ITIH4: variants seen among roughly 807,000 people sequenced by gnomAD.
The protein encoded by ITIH4 is inter-alpha-trypsin inhibitor heavy chain H4.
ITIH4 carries 79 observed loss-of-function variants against 111.8 expected under a neutral mutation model. The observed-to-expected ratio is 0.71, with a 90% CI of 0.59 to 0.85. The LOEUF is 0.85. Ranked by LOEUF, ITIH4 falls within the 40% of genes least tolerant of loss-of-function variation. The pLI is 0.00. For missense variants in ITIH4, 1,065 were observed against 1,195.8 expected, an observed-to-expected ratio of 0.89 and a Z score of 1.61; for synonymous variants, 472 against 468.3, an observed-to-expected ratio of 1.01 and a Z score of -0.10.
chr3:52,821,975 G>A (rs1700389331), intron 11 of ITIH4, among the ~76,000 whole-genome samples: 2 of 152,192 alleles, frequency 1.3e-5, no homozygotes, highest in Admixed American at 1.3e-4. Context: ...CACACATACA[G>A]CTATTTAATT....
rs202021884 is a variant in ITIH4, at chr3:52,824,154, T to G, written c.1171+36A>C. On this transcript the variant is annotated intron_variant, in intron 9 of 23. Coordinates refer to ENST00000266041, the MANE Select transcript of ITIH4 (RefSeq NM_002218.5). The surrounding 1 kb of genome is among the most constrained non-coding windows in gnomAD (Gnocchi z 4.3). ...GGTGCAGCCCCAGCCGCCTCCCCTG[T>G]GCAGCACGTCCTGGAGTCACGGGCA... 17 of 1,609,064 alleles carry G rather than the reference T, an allele frequency of 1.1e-5. No homozygotes were observed. The East Asian group carries it at 3.8e-4, about 36-fold the overall frequency.
intron 17 of ITIH4, chr3:52,818,794 G>A (rs572462817): frequency 1.3e-5 from 7 of 526,068 alleles, no homozygotes; most frequent in Admixed American, 3.4e-5. Context: ...TTTCTGAACG[G>A]AGGAAGCCCT....
At chr3:52,828,245 C>G (rs1559482739) in intron 2 of ITIH4, among the ~76,000 whole-genome samples, 2 of 152,252 alleles carry the variant, frequency 1.3e-5, no homozygotes, top group Non-Finnish European at 2.9e-5. Context: ...GACCTGGCAA[C>G]TGCTGACCCT....
rs959635198 is a variant in ITIH4, at chr3:52,816,879, C to T, written c.2471+5G>A. The T allele has an allele frequency of 6.2e-7, 1 of 1,612,884 alleles. No homozygotes were observed. The stretch of plus-strand genomic sequence containing the variant: ...CCCTGCCCCGGGCTCCAGCCTGGGC[C>T]TTACCCGGGCATCACTGAGAATAGC... On this transcript the variant is annotated splice_donor_5th_base_variant and intron_variant, in intron 21 of 23. Transcript: ENST00000266041.
intron 2 of ITIH4, among the ~76,000 whole-genome samples, chr3:52,827,799 G>C (rs1466965051): frequency 6.6e-6 from 1 of 152,234 alleles, no homozygotes; most frequent in Non-Finnish European, 1.5e-5. Flanking sequence ...GGGACTCCTG[G>C]GTGTGTGGAC....
rs1350158552 is a variant in ITIH4 at position 52,824,210 on chromosome 3, G to A, written c.1151C>T (p.Thr384Ile). The A allele has an allele frequency of 6.2e-7, 1 of 1,613,442 alleles. No homozygotes were observed. The highest frequency in any genetic ancestry group is 8.5e-7 in the Non-Finnish European group (1 of 1,180,020). Residue 384 changes from threonine (T) to isoleucine (I), a missense_variant, in exon 9 of 24, where the codon ACC (threonine) becomes ATC (isoleucine). Coordinates refer to ENST00000266041, the MANE Select transcript of ITIH4 (RefSeq NM_002218.5). This position sits in a 1 kb window ranked among gnomAD's most constrained non-coding sequence, Gnocchi z 4.3. Reference protein sequence around the residue: ...EGSVSLIILLTDGDPTVGETN... With the variant: ...EGSVSLIILLIDGDPTVGETN... ...CTCACCCACAGTGGGGTCGCCATCG[G>A]TGAGCAGGATGATGAGTGAGACACT... is the stretch of plus-strand genomic sequence containing the variant.
Position 52,824,906 on chromosome 3 carries a change from A to G in ITIH4, c.812T>C (p.Met271Thr), listed in dbSNP as rs931455782. 27 of 1,613,966 alleles carry G rather than the reference A, an allele frequency of 1.7e-5. 1 individual carries two copies. The Admixed American group carries it at 3.7e-4, about 22-fold the overall frequency. ...AATGACAAAGACCACATTCTTGGGCATTGTGGTTAGGCCCTCGGGGGCAAA... is the reference window on the plus strand; with the variant it reads ...AATGACAAAGACCACATTCTTGGGCGTTGTGGTTAGGCCCTCGGGGGCAAA... ...HYFAPEGLTT[M>T]PKNVVFVIDK... is the part of the protein sequence containing the mutation. Residue 271 changes from methionine to threonine, a missense_variant, in exon 7 of 24, where the codon ATG (methionine) becomes ACG (threonine). Met to Thr is a moderately conservative substitution (Grantham distance 81). Coordinates refer to ENST00000266041, the MANE Select transcript of ITIH4 (RefSeq NM_002218.5). This position sits in a 1 kb window ranked among gnomAD's most constrained non-coding sequence, Gnocchi z 4.3.
chr3:52,813,893 G>C (rs939081959), intron 23 of ITIH4, 82 bp downstream of exon 23: 1 of 1,074,506 alleles, frequency 9.3e-7, no homozygotes, highest in South Asian at 1.3e-5. Context: ...GACAGGAGTG[G>C]GGCCCTGGAG....
chr3:52,813,678 G>A (rs1169486692), intron 23 of ITIH4, among the ~76,000 whole-genome samples, 188 bp from the exon 24 acceptor site: 1 of 152,302 alleles, frequency 6.6e-6, no homozygotes, highest in Non-Finnish European at 1.5e-5. Flanking sequence ...CAGTACGTGA[G>A]GTCTCCAGGG....
chr3:52,817,996 C>A, intron 20 of ITIH4, 56 bp downstream of exon 20: 11 of 1,309,498 alleles, frequency 8.4e-6, no homozygotes, highest in Non-Finnish European at 1.2e-5. Flanking sequence ...TCTCTGTAGG[C>A]AGGTGGTGGG....
intron 21 of ITIH4, among the ~76,000 whole-genome samples, chr3:52,816,107 C>T (rs953540120): frequency 1.3e-5 from 2 of 152,218 alleles, no homozygotes; most frequent in Non-Finnish European, 2.9e-5. Flanking sequence ...CTGGACAAGG[C>T]TCTCCATACT....
At chr3:52,819,586 G>C (rs1700340147) in intron 16 of ITIH4, 68 bp from the exon 17 acceptor site, 1 of 1,607,736 alleles carries the variant, frequency 6.2e-7, no homozygotes, top group Non-Finnish European at 8.5e-7. Flanking sequence ...CAGGGCTTGA[G>C]ATCCACCCAG....
At chr3:52,818,026 G>C (rs1700309534) in intron 20 of ITIH4, 26 bp downstream of exon 20, 1 of 1,554,990 alleles carries the variant, frequency 6.4e-7, no homozygotes, top group African/African-American at 1.4e-5. Flanking sequence ...GTGGTGTCTG[G>C]GTCTCTCTGG....
chr3:52,817,816 GGCTGCCAT>G (rs1700306617), intron 20 of ITIH4, among the ~76,000 whole-genome samples: 1 of 152,232 alleles, frequency 6.6e-6, no homozygotes, highest in Non-Finnish European at 1.5e-5. Context: ...ACCTCCACAT[GGCTGCCAT>G]GCTTATCTGT....
In ITIH4 at chr3:52,814,276, A is replaced by T; in HGVS notation, c.2559T>A (p.Arg853=). ...VTIGLLFWDG[R]GEGLRLLLRD... is the part of the protein sequence containing the mutation. Reference sequence around the variant, plus strand: ...GCAGAAGGAGCCGGAGCCCCTCCCCACGGCCATCCCAGAACAACAGGCCGA... The same window carrying T: ...GCAGAAGGAGCCGGAGCCCCTCCCCTCGGCCATCCCAGAACAACAGGCCGA... The change falls in exon 22 of 24, where the codon CGT becomes CGA. Residue 853 remains arginine (R), a synonymous_variant. Coordinates refer to ENST00000266041, the MANE Select transcript of ITIH4 (RefSeq NM_002218.5). 1 of 1,613,926 alleles carries T rather than the reference A, an allele frequency of 6.2e-7. No homozygotes were observed. Among genetic ancestry groups the T allele is most frequent in the Non-Finnish European group, 8.5e-7 (1 of 1,180,020 alleles).
intron 13 of ITIH4, 67 bp downstream of exon 13, chr3:52,820,564 A>G: frequency 2.6e-6 from 4 of 1,530,266 alleles, no homozygotes; most frequent in Middle Eastern, 1.7e-4. Flanking sequence ...GATGCAGGGA[A>G]GATCGGGGAG....
In ITIH4 at chr3:52,821,045, T is replaced by G. The variant is rs1182817767; in HGVS notation, c.1625A>C (p.Asn542Thr). ...GTATGCCCAGAGCCTCTCCATGAAGTTGTGGAAGATATACTTGGGGCTCTG... is the reference window on the plus strand; with the variant it reads ...GTATGCCCAGAGCCTCTCCATGAAGGTGTGGAAGATATACTTGGGGCTCTG... Reference protein sequence around the residue: ...EFQSPKYIFHNFMERLWAYLT... With the variant: ...EFQSPKYIFHTFMERLWAYLT... Residue 542 changes from asparagine (N) to threonine (T), a missense_variant, in exon 12 of 24, where the codon AAC becomes ACC. By Grantham distance (65) the Asn-to-Thr change is moderately conservative. Coordinates refer to ENST00000266041, the MANE Select transcript of ITIH4 (RefSeq NM_002218.5). 1 of 1,613,806 alleles carries G rather than the reference T, an allele frequency of 6.2e-7. No homozygotes were observed. The highest frequency in any genetic ancestry group is 8.5e-7 in the Non-Finnish European group (1 of 1,180,006).
At position 52,824,687 on chromosome 3, in the gene ITIH4, G is replaced by C; in HGVS notation, c.877-122C>G. On this transcript the variant is annotated intron_variant, in intron 7 of 23. Coordinates refer to ENST00000266041, the MANE Select transcript of ITIH4 (RefSeq NM_002218.5). This position sits in a 1 kb window ranked among gnomAD's most constrained non-coding sequence, Gnocchi z 4.3. ...GGTCATGGTATCTGCTCTAGGAACA[G>C]GGGCTGCCCTAGGCTCTGGCCAACC... The C allele has an allele frequency of 7.7e-7, 1 of 1,302,282 alleles. No individual in the cohort carries two copies. Among genetic ancestry groups the C allele is most frequent in the Non-Finnish European group, 1.1e-6 (1 of 939,796 alleles). 80.7% of individuals were successfully genotyped at this position (1,302,282 alleles called of 1,614,324 possible). A position where few individuals can be genotyped will look rare whatever the true frequency, so the allele number is the denominator to read the frequency against.
intron 23 of ITIH4, among the ~76,000 whole-genome samples, 178 bp from the exon 24 acceptor site, chr3:52,813,668 C>A (rs1022245916): frequency 6.6e-6 from 1 of 152,216 alleles, no homozygotes; most frequent in Non-Finnish European, 1.5e-5. Flanking sequence ...CTAGAGAAGC[C>A]AGTACGTGAG....
Sources: gnomAD v4.1 joint callset for allele counts (sites outside exome capture counted in the v4.1 genomes callset) on GRCh38, gnomAD v4.1.1 for gene constraint, Gnocchi (gnomAD v3.1) non-coding constraint, MANE v1.5 for transcripts, NCBI Gene and HGNC (gene_info 2026-07-23, HGNC 2026-07-21) for gene names.